ASIC2: variants seen among roughly 807,000 people sequenced by gnomAD.
The protein encoded by ASIC2 is acid sensing ion channel subunit 2, also known as acid-sensing ion channel 2.
A neutral mutation model predicts 57.3 loss-of-function variants in ASIC2; 25 were observed. That is an observed-to-expected ratio of 0.44 (90% CI 0.32 to 0.61). The LOEUF is 0.61. Among genes scored for constraint, ASIC2 ranks in the 20% least tolerant of loss-of-function variants. ASIC2 has a pLI of 0.06. For synonymous variants in ASIC2, 319 were observed against 307.5 expected (o/e 1.04, Z -0.39); for missense variants, 641 against 738.1 (o/e 0.87, Z 1.52).
At chr17:33,051,339 G>T (rs1411936859) in intron 3 of ASIC2, among the ~76,000 whole-genome samples, 3 of 152,086 alleles carry the variant, frequency 2.0e-5, no homozygotes, top group Non-Finnish European at 4.4e-5. Flanking sequence ...TGAACCAGCT[G>T]TCTCCCAATC....
chr17:33,349,513 C>A (rs1481752320), intron 1 of ASIC2, among the ~76,000 whole-genome samples: 1 of 152,174 alleles, frequency 6.6e-6, no homozygotes, highest in Non-Finnish European at 1.5e-5. Flanking sequence ...TACCAGGCCA[C>A]CTTCATTCTT....
In ASIC2 at chr17:33,609,059, T is replaced by A. The variant is rs1042438534; in HGVS notation, c.556-496992A>T. ...GGCAAGCTCTTCACAAATATCATCC[T>A]GCCACAAAGACATGTCTTCACTCTA... On this transcript the variant is annotated intron_variant, in intron 1 of 9. Coordinates refer to the ASIC2 transcript ENST00000359872. Among the ~76,000 whole-genome samples the A allele has an allele frequency of 4.6e-5, 7 of 152,212 alleles. No homozygotes were observed. In the East Asian group the frequency reaches 1.3e-3, roughly 29 times the overall value.
At chr17:33,149,271 T>C (rs183318455) in intron 1 of ASIC2, among the ~76,000 whole-genome samples, 51 of 152,362 alleles carry the variant, frequency 3.3e-4, no homozygotes, top group Admixed American at 3.2e-3. Flanking sequence ...TTTTGGTGTT[T>C]TTCCAGCTGT....
intron 1 of ASIC2, among the ~76,000 whole-genome samples, chr17:33,122,860 A>G (rs1214564249): frequency 6.6e-6 from 1 of 152,186 alleles, no homozygotes; most frequent in East Asian, 1.9e-4. Flanking sequence ...GGTAACCAGC[A>G]GTACAAATGA....
intron 1 of ASIC2, among the ~76,000 whole-genome samples, chr17:33,342,170 C>T (rs1385398695): frequency 6.6e-6 from 1 of 152,194 alleles, no homozygotes; most frequent in Non-Finnish European, 1.5e-5. Context: ...AACAATACCA[C>T]TCACATGGTG....
chr17:33,314,176 C>G (rs376722164), intron 1 of ASIC2, among the ~76,000 whole-genome samples: 1 of 152,228 alleles, frequency 6.6e-6, no homozygotes, highest in South Asian at 2.1e-4. Context: ...ACAACTCAGA[C>G]CCTCTGTCTT....
chr17:33,356,088 A>G (rs530977153), intron 1 of ASIC2, among the ~76,000 whole-genome samples: 1 of 152,312 alleles, frequency 6.6e-6, no homozygotes, highest in South Asian at 2.1e-4. Context: ...TCAGAGAAAC[A>G]GCATGTGTAA....
chr17:33,078,467 TAA>T (rs1270444840), intron 3 of ASIC2, among the ~76,000 whole-genome samples: 1 of 152,238 alleles, frequency 6.6e-6, no homozygotes, highest in Non-Finnish European at 1.5e-5. Flanking sequence ...GTAAATTATT[TAA>T]GTTAGCCCTC....
intron 1 of ASIC2, among the ~76,000 whole-genome samples, chr17:33,382,520 G>T (rs1012553643): frequency 6.6e-6 from 1 of 152,118 alleles, no homozygotes; most frequent in African/African-American, 2.4e-5. Context: ...TGAAGCTTCA[G>T]CCCCATACTA....
At chr17:33,734,838 T>C (rs879909998) in intron 1 of ASIC2, among the ~76,000 whole-genome samples, 2 of 152,166 alleles carry the variant, frequency 1.3e-5, no homozygotes, top group African/African-American at 2.4e-5. Flanking sequence ...TGCACATTCA[T>C]TTTAGACTTC....
intron 1 of ASIC2, among the ~76,000 whole-genome samples, chr17:33,798,321 G>A (rs1288585102): frequency 1.3e-5 from 2 of 152,184 alleles, no homozygotes; most frequent in East Asian, 1.9e-4. Context: ...GCTTTGCTGC[G>A]TGGAAGGGTA....
chr17:33,046,440 C>T (rs1043260431), intron 3 of ASIC2, among the ~76,000 whole-genome samples: 1 of 152,192 alleles, frequency 6.6e-6, no homozygotes, highest in Admixed American at 6.5e-5. Context: ...CACTTTCCCC[C>T]ACCTGAGTGG....
At chr17:33,112,229 C>G in intron 1 of ASIC2, 162 bp from the exon 2 acceptor site, 1 of 969,166 alleles carries the variant, frequency 1.0e-6, no homozygotes, top group South Asian at 1.8e-5. Context: ...TGGCTGTGGG[C>G]CTGACTTGTA....
chr17:33,107,496 G>A (rs961309221), intron 2 of ASIC2, among the ~76,000 whole-genome samples: 6 of 152,060 alleles, frequency 3.9e-5, no homozygotes, highest in Non-Finnish European at 5.9e-5. Flanking sequence ...CATAGGGCTC[G>A]TTTTGGGGCA....
intron 1 of ASIC2, among the ~76,000 whole-genome samples, chr17:33,521,964 T>G (rs1485394579): frequency 6.6e-6 from 1 of 152,152 alleles, no homozygotes; most frequent in Non-Finnish European, 1.5e-5. Context: ...GGCAGTGTGG[T>G]TCAGCCAGGG....
intron 1 of ASIC2, among the ~76,000 whole-genome samples, chr17:33,811,495 C>A (rs1912420965): frequency 6.6e-6 from 1 of 152,152 alleles, no homozygotes; most frequent in Non-Finnish European, 1.5e-5. Context: ...TAATATTAAG[C>A]CCCTATTAGT....
At chr17:33,320,358 G>C (rs1365901387) in intron 1 of ASIC2, among the ~76,000 whole-genome samples, 1 of 152,120 alleles carries the variant, frequency 6.6e-6, no homozygotes, top group Non-Finnish European at 1.5e-5. Context: ...AAGCTTTAAA[G>C]GGTTTCATTT....
intron 1 of ASIC2, among the ~76,000 whole-genome samples, chr17:33,269,485 C>T (rs1904358029): frequency 6.6e-6 from 1 of 152,174 alleles, no homozygotes; most frequent in African/African-American, 2.4e-5. Flanking sequence ...CTCCTCCATC[C>T]CCCAAACACA....
chr17:33,868,803 C>G (rs114036664), intron 1 of ASIC2, among the ~76,000 whole-genome samples: 3 of 152,186 alleles, frequency 2.0e-5, no homozygotes, highest in Non-Finnish European at 4.4e-5. Context: ...GTGGCTCATA[C>G]CTGTAATCCC....
Sources: gnomAD v4.1 joint callset for allele counts (sites outside exome capture counted in the v4.1 genomes callset) on GRCh38, gnomAD v4.1.1 for gene constraint, MANE v1.5 for transcripts, NCBI Gene and HGNC (gene_info 2026-07-23, HGNC 2026-07-21) for gene names.